Variants in PTPRN2 observed in about 807,000 individuals in gnomAD.
The protein encoded by PTPRN2 is receptor-type tyrosine-protein phosphatase N2.
PTPRN2 carries 74 observed loss-of-function variants against 118.8 expected under a neutral mutation model. The ratio of observed to expected loss-of-function variants is 0.62; its 90% CI spans 0.52 to 0.76. PTPRN2 has a LOEUF of 0.76. Among genes scored for constraint, PTPRN2 ranks in the 30% least tolerant of loss-of-function variants. PTPRN2 has a pLI of 0.00. For missense variants in PTPRN2, 1,481 were observed against 1,394.4 expected (o/e 1.06, Z -0.99); for synonymous variants, 641 against 608.0 (o/e 1.05, Z -0.80).
At chr7:157,601,219 C>T (rs994903807) in intron 16 of PTPRN2, among the ~76,000 whole-genome samples, 1 of 152,186 alleles carries the variant, frequency 6.6e-6, no homozygotes, top group Non-Finnish European at 1.5e-5. Flanking sequence ...AAAGATTGCA[C>T]ATTATTTACC....
chr7:157,930,981 C>T (rs1186694548), intron 11 of PTPRN2, among the ~76,000 whole-genome samples: 3 of 152,180 alleles, frequency 2.0e-5, no homozygotes, highest in African/African-American at 7.2e-5. Flanking sequence ...AGCCCTCTCC[C>T]CTGTCTCACC....
intron 12 of PTPRN2, among the ~76,000 whole-genome samples, chr7:157,688,807 C>T (rs1464153552): frequency 6.6e-6 from 1 of 152,228 alleles, no homozygotes; most frequent in African/African-American, 2.4e-5. Context: ...AGCGTTCGGC[C>T]CCGTCCCCTG....
At chr7:158,236,022 G>T (rs1829512966) in intron 3 of PTPRN2, among the ~76,000 whole-genome samples, 1 of 152,204 alleles carries the variant, frequency 6.6e-6, no homozygotes, top group Admixed American at 6.5e-5. Context: ...GGGGGAAACT[G>T]CAGGGTGACT....
chr7:157,850,944 T>C (rs1256169563), intron 12 of PTPRN2, among the ~76,000 whole-genome samples: 1 of 152,220 alleles, frequency 6.6e-6, no homozygotes, highest in Non-Finnish European at 1.5e-5. Flanking sequence ...CTATTCTTGG[T>C]TTACCCAAAG....
chr7:157,799,740 C>T (rs1265874738), intron 12 of PTPRN2, among the ~76,000 whole-genome samples: 1 of 152,096 alleles, frequency 6.6e-6, no homozygotes, highest in African/African-American at 2.4e-5. Context: ...CAACACACGG[C>T]ATCACGAACC....
intron 3 of PTPRN2, among the ~76,000 whole-genome samples, chr7:158,250,812 T>C (rs541219179): frequency 6.6e-6 from 1 of 152,326 alleles, no homozygotes; most frequent in African/African-American, 2.4e-5. Flanking sequence ...TTTCAACCAG[T>C]CATAAATGTG....
intron 12 of PTPRN2, among the ~76,000 whole-genome samples, chr7:157,880,998 G>A (rs1490138802): frequency 2.0e-5 from 3 of 152,352 alleles, no homozygotes; most frequent in Non-Finnish European, 4.4e-5. Context: ...CCTATGGGAA[G>A]CTCTAATCCC....
In PTPRN2 at chr7:157,579,658, C is replaced by T. The variant is rs144926343; in HGVS notation, c.2497-1518G>A. On this transcript the variant is annotated intron_variant, in intron 17 of 22. Transcript: ENST00000389418. The stretch of plus-strand genomic sequence containing the variant: ...TGGAAGCCGCACTCATTGGCTCTCG[C>T]GTCCGCCCTTCATTATGGGGCGCCT... 8.5e-3 allele frequency among the ~76,000 whole-genome samples: 1,300 copies of T among 152,382 alleles called. 19 individuals are homozygous for T. Among genetic ancestry groups the T allele is most frequent in the African/African-American group, 0.029 (1,226 of 41,592 alleles).
At chr7:158,060,576 T>C (rs1013901631) in intron 11 of PTPRN2, among the ~76,000 whole-genome samples, 12 of 152,208 alleles carry the variant, frequency 7.9e-5, no homozygotes, top group African/African-American at 1.4e-4. Context: ...CCTCCTCTTA[T>C]TGACATCTGC....
chr7:158,376,547 A>T (rs567727441), intron 2 of PTPRN2, among the ~76,000 whole-genome samples: 2 of 101,408 alleles, frequency 2.0e-5, no homozygotes, highest in Non-Finnish European at 4.1e-5. Flanking sequence ...ACTCTCCCAC[A>T]TCCCTGTCAC....
Position 158,141,896 on chromosome 7 carries a change from G to A in PTPRN2, c.911-3381C>T, listed in dbSNP as rs141237994. ...AGTCCTTTAAAGTCAATCTGTACAC[G>A]AAATGTGTGACGGACACGGGCGTTC... On this transcript the variant is annotated intron_variant, in intron 6 of 22. Coordinates refer to ENST00000389418, the MANE Select transcript of PTPRN2 (RefSeq NM_002847.5). Among the ~76,000 whole-genome samples, 953 of 152,340 alleles carry A rather than the reference G, an allele frequency of 6.3e-3. 8 individuals are homozygous for A. The highest frequency in any genetic ancestry group is 0.022 in the African/African-American group (905 of 41,576).
At position 157,878,521 on chromosome 7, in the gene PTPRN2, C is replaced by T. The variant is rs112154450; in HGVS notation, c.1788+20152G>A. Among the ~76,000 whole-genome samples the T allele has an allele frequency of 1.8e-4, 26 of 146,236 alleles. 1 individual carries two copies. In the South Asian group the frequency reaches 5.3e-3, roughly 30 times the overall value. On this transcript the variant is annotated intron_variant, in intron 12 of 22. Coordinates refer to ENST00000389418, the MANE Select transcript of PTPRN2 (RefSeq NM_002847.5). ...CCACGCTTACTCACCGAGGAGCTCT[C>T]GGATTCCGTGGGGCTTGACGGGTCA...
chr7:158,052,846 G>A (rs531799717), intron 11 of PTPRN2, among the ~76,000 whole-genome samples: 36 of 152,300 alleles, frequency 2.4e-4, no homozygotes, highest in African/African-American at 7.0e-4. Flanking sequence ...GGTCCACCAC[G>A]TTCCCTCGAG....
rs1055085168 is a variant in PTPRN2 at position 157,986,644 on chromosome 7, C to T, written c.1724-87907G>A. Among the ~76,000 whole-genome samples, 15 of 152,178 alleles carry T rather than the reference C, an allele frequency of 9.9e-5. No individual in the cohort carries two copies. The highest frequency in any genetic ancestry group is 2.6e-4 in the Admixed American group (4 of 15,286). On this transcript the variant is annotated intron_variant, in intron 11 of 22. Transcript: ENST00000389418. This position sits in a 1 kb window ranked among gnomAD's most constrained non-coding sequence, Gnocchi z 4.5. ...AATTCCCATTCACTCAGCATTACCA[C>T]GGTTTGATATTAGGACTGCTTGATT...
intron 16 of PTPRN2, among the ~76,000 whole-genome samples, chr7:157,597,478 G>GTA (rs1487158651): frequency 1.8e-4 from 27 of 150,170 alleles, no homozygotes; most frequent in African/African-American, 6.7e-4. Flanking sequence ...AAATGTGTGT[G>GTA]TGTGTGTTTT....
intron 11 of PTPRN2, among the ~76,000 whole-genome samples, chr7:157,962,449 G>A (rs1240475070): frequency 2.6e-5 from 4 of 152,176 alleles, no homozygotes; most frequent in African/African-American, 9.7e-5. Flanking sequence ...GTCAAACTCG[G>A]TCACCAGCAG....
At chr7:158,335,759 T>A in intron 2 of PTPRN2, among the ~76,000 whole-genome samples, 1 of 8,182 alleles carries the variant, frequency 1.2e-4, no homozygotes, top group Non-Finnish European at 2.7e-4. Flanking sequence ...CCATAAGAAG[T>A]GAAACCTGCA....
In PTPRN2 at chr7:158,137,366, G is replaced by A. The variant is rs541754028; in HGVS notation, c.1133-671C>T. Among the ~76,000 whole-genome samples, 11 of 152,268 alleles carry A rather than the reference G, an allele frequency of 7.2e-5. No homozygotes were observed. The East Asian group carries it at 9.7e-4, about 13-fold the overall frequency. On this transcript the variant is annotated intron_variant, in intron 7 of 22. Transcript: ENST00000389418. ...CGGCAGGCAAAGTTTGCAGTGAGCC[G>A]AGATCACGTCACCGCACTCCAGCCT... is the stretch of plus-strand genomic sequence containing the variant.
chr7:158,578,612 C>T (rs1004487335), intron 1 of PTPRN2, among the ~76,000 whole-genome samples: 18 of 151,324 alleles, frequency 1.2e-4, no homozygotes, highest in African/African-American at 3.4e-4. Flanking sequence ...TGAGTGATGC[C>T]GACTGTTGGG....
Sources: allele counts gnomAD v4.1 joint callset (sites outside exome capture counted in the v4.1 genomes callset), GRCh38; gene constraint gnomAD v4.1.1; non-coding constraint Gnocchi (gnomAD v3.1); transcripts MANE v1.5; gene names NCBI Gene and HGNC (gene_info 2026-07-23, HGNC 2026-07-21).